Variants in ZNF227 observed in about 807,000 individuals in gnomAD.
ZNF227 encodes the protein zinc finger protein 227.
Under a neutral mutation model 13.2 loss-of-function variants are expected in ZNF227, and 12 were observed. The ratio of observed to expected loss-of-function variants is 0.91; its 90% CI spans 0.58 to 1.47. ZNF227 has a LOEUF of 1.47. Among genes scored for constraint, ZNF227 ranks in the 40% most tolerant of loss-of-function variants. The pLI is 0.00. For synonymous variants in ZNF227, 338 were observed against 326.0 expected, an observed-to-expected ratio of 1.04 and a Z score of -0.40; for missense variants, 885 against 967.5, an observed-to-expected ratio of 0.91 and a Z score of 1.13.
At position 44,235,739 on chromosome 19, in the gene ZNF227, A is replaced by G; in HGVS notation, c.1309A>G (p.Lys437Glu). The change falls in exon 6 of 6, where the codon AAG becomes GAG. Residue 437 changes from lysine to glutamate, a missense_variant. Lys to Glu is a moderately conservative substitution (Grantham distance 56). Transcript: ENST00000313040. ...QRVHTGEKPY[K>E]CDVCGKGFSH... ...AGTCCACACTGGAGAGAAACCCTACAAGTGTGATGTGTGTGGTAAGGGCTT... is the reference window on the plus strand; with the variant it reads ...AGTCCACACTGGAGAGAAACCCTACGAGTGTGATGTGTGTGGTAAGGGCTT... 6.2e-7 allele frequency: 1 copy of G among 1,614,062 alleles called. No individual in the cohort carries two copies. The highest frequency in any genetic ancestry group is 1.3e-5 in the African/African-American group (1 of 75,014).
chr19:44,236,392 C>T lies in ZNF227; in HGVS notation c.1962C>T (p.His654=), dbSNP rs1036917578. The change falls in exon 6 of 6, where the codon CAC becomes CAT. Residue 654 remains histidine, a synonymous_variant. Transcript: ENST00000313040. ...GTCTTCAATCCCATCAGAGAGTCCACACGGGGGAAAAGCCATACAAATGTG... is the reference window on the plus strand; with the variant it reads ...GTCTTCAATCCCATCAGAGAGTCCATACGGGGGAAAAGCCATACAAATGTG... ...SSGLQSHQRV[H]TGEKPYKCDV... 2 of 1,614,062 alleles carry T rather than the reference C, an allele frequency of 1.2e-6. No homozygotes were observed. The highest frequency in any genetic ancestry group is 1.7e-6 in the Non-Finnish European group (2 of 1,180,008).
intron 5 of ZNF227, among the ~76,000 whole-genome samples, chr19:44,230,956 T>TATATCTATATCTATA (rs1355769924): frequency 7.6e-6 from 1 of 131,560 alleles, no homozygotes; most frequent in Non-Finnish European, 1.5e-5. Context: ...TATATATATC[T>TATATCTATATCTATA]TAGCCAGGCA....
chr19:44,216,966 T>G (rs1971953651), intron 2 of ZNF227, among the ~76,000 whole-genome samples: 2 of 146,284 alleles, frequency 1.4e-5, no homozygotes, highest in African/African-American at 2.5e-5. Flanking sequence ...TTGTTTTTTT[T>G]TTTTTTTTTT....
At chr19:44,229,561 G>A (rs571854246) in intron 4 of ZNF227, among the ~76,000 whole-genome samples, 172 bp from the exon 5 acceptor site, 225 of 152,276 alleles carry the variant, frequency 1.5e-3, no homozygotes, top group African/African-American at 5.1e-3. Context: ...GCAGTGAGCC[G>A]AGATTGTGCC....
chr19:44,218,052 T>C (rs552615043), intron 3 of ZNF227, among the ~76,000 whole-genome samples, 200 bp downstream of exon 3: 21 of 152,356 alleles, frequency 1.4e-4, no homozygotes, highest in African/African-American at 5.0e-4. Flanking sequence ...TAATAGAAGC[T>C]TTAATCAGAA....
Position 44,230,949 on chromosome 19 carries a change from A to ATC in ZNF227, c.271+1134_271+1135insCT, listed in dbSNP as rs1436983295. Among the ~76,000 whole-genome samples, 202 of 136,458 alleles carry ATC rather than the reference A, an allele frequency of 1.5e-3. 3 individuals carry two copies. Among genetic ancestry groups the ATC allele is most frequent in the African/African-American group, 5.8e-3 (195 of 33,484 alleles). The allele number at this position is 136,458 out of a possible 152,430, so 89.5% of individuals were successfully genotyped here. ...AAAATATATATATATATATATATAT[A>ATC]TATATCTTAGCCAGGCATGTTAGCA... is the stretch of plus-strand genomic sequence containing the variant. On this transcript the variant is annotated intron_variant, in intron 5 of 5. Coordinates refer to ENST00000313040, the MANE Select transcript of ZNF227 (RefSeq NM_182490.3).
At chr19:44,227,782 A>AT (rs1973332638) in intron 3 of ZNF227, among the ~76,000 whole-genome samples, 1 of 152,232 alleles carries the variant, frequency 6.6e-6, no homozygotes, top group Non-Finnish European at 1.5e-5. Flanking sequence ...AAACCTTGAA[A>AT]TTTGAACCTG....
chr19:44,228,461 A>G lies in ZNF227; in HGVS notation c.76A>G (p.Lys26Glu), dbSNP rs1236049835. The G allele has an allele frequency of 6.8e-6, 11 of 1,613,100 alleles. No homozygotes were observed. Among genetic ancestry groups the G allele is most frequent in the African/African-American group, 1.3e-5 (1 of 74,776 alleles). Residue 26 changes from lysine (K) to glutamate (E), a missense_variant, in exon 4 of 6, where the codon AAG becomes GAG. Coordinates refer to ENST00000313040, the MANE Select transcript of ZNF227 (RefSeq NM_182490.3). ...MTKFQEAVTF[K>E]DVAVVFSREE... ...GATATTGTAGGAGGCTGTGACATTC[A>G]AGGATGTGGCTGTGGTCTTCTCCAG...
Position 44,228,519 on chromosome 19 carries a change from G to T in ZNF227, c.134G>T (p.Arg45Met), listed in dbSNP as rs1189602968. Reference sequence around the variant, plus strand: ...CTGCGACTGCTCGATCTTACCCAGAGGAAGCTGTACCGAGATGTCATGGTG... The same window carrying T: ...CTGCGACTGCTCGATCTTACCCAGATGAAGCTGTACCGAGATGTCATGGTG... The part of the protein sequence containing the change: ...EELRLLDLTQ[R>M]KLYRDVMVEN... The change falls in exon 4 of 6, where the codon AGG becomes ATG. Residue 45 changes from arginine (R) to methionine (M), a missense_variant. Arg to Met is a moderately conservative substitution (Grantham distance 91, BLOSUM62 -1). Coordinates refer to ENST00000313040, the MANE Select transcript of ZNF227 (RefSeq NM_182490.3). The T allele has an allele frequency of 6.2e-7, 1 of 1,613,754 alleles. No individual in the cohort carries two copies. The highest frequency in any genetic ancestry group is 1.1e-5 in the South Asian group (1 of 91,042).
In ZNF227 at chr19:44,236,797, T is replaced by C. The variant is rs1974561172; in HGVS notation, c.2367T>C (p.Tyr789=). 2 of 1,595,682 alleles carry C rather than the reference T, an allele frequency of 1.3e-6. No homozygotes were observed. The highest frequency in any genetic ancestry group is 1.1e-5 in the South Asian group (1 of 88,440). The change falls in exon 6 of 6, where the codon TAT becomes TAC. Residue 789 remains tyrosine (Y), a synonymous_variant. Coordinates refer to ENST00000313040, the MANE Select transcript of ZNF227 (RefSeq NM_182490.3). ...KDFRHRSRLT[Y]HQKVHTGKKL is the part of the protein sequence containing the mutation. Reference sequence around the variant, plus strand: ...TCCGTCACCGTTCACGTCTTACATATCATCAGAAAGTCCATACTGGTAAAA... The same window carrying C: ...TCCGTCACCGTTCACGTCTTACATACCATCAGAAAGTCCATACTGGTAAAA...
At chr19:44,219,089 G>A (rs1006138260) in intron 3 of ZNF227, among the ~76,000 whole-genome samples, 3 of 152,130 alleles carry the variant, frequency 2.0e-5, no homozygotes, top group Admixed American at 1.3e-4. Flanking sequence ...GTTTCACCAC[G>A]TTGGCCAGGC....
rs1282055867 is a variant in ZNF227 at position 44,236,772 on chromosome 19, TC to T, written c.2344del (p.Arg782ValfsTer38). On this transcript the variant is annotated frameshift_variant, in exon 6 of 6. Coordinates refer to ENST00000313040, the MANE Select transcript of ZNF227 (RefSeq NM_182490.3). LOFTEE classifies it high-confidence loss of function. The part of the protein sequence containing the change: ...PYKCDICDKD[F>X]RHRSRLTYHQ... The stretch of plus-strand genomic sequence containing the variant: ...AAATGTGACATATGTGATAAGGACT[TC>T]CGTCACCGTTCACGTCTTACATATC... 5 of 1,611,192 alleles carry T rather than the reference TC, an allele frequency of 3.1e-6. No homozygotes were observed. In the East Asian group the frequency reaches 6.7e-5, roughly 22 times the overall value.
chr19:44,231,253 T>G (rs1195277891), intron 5 of ZNF227, among the ~76,000 whole-genome samples: 1 of 151,660 alleles, frequency 6.6e-6, no homozygotes, highest in Non-Finnish European at 1.5e-5. Flanking sequence ...TTACTGGGAT[T>G]ACAGGTGACC....
upstream of ZNF227, among the ~76,000 whole-genome samples, chr19:44,209,221 C>T (rs566348672): frequency 7.9e-5 from 12 of 152,280 alleles, no homozygotes; most frequent in South Asian, 2.1e-3. Flanking sequence ...GTGTTAATGA[C>T]CCCCACCCCG....
chr19:44,226,600 G>T (rs1034280410), intron 3 of ZNF227, among the ~76,000 whole-genome samples: 6 of 152,226 alleles, frequency 3.9e-5, no homozygotes, highest in Non-Finnish European at 1.5e-5. Context: ...TAATCTCCTG[G>T]TGTGCCGTTT....
chr19:44,213,156 C>T lies in ZNF227; in HGVS notation c.-91C>T, dbSNP rs553140666. On this transcript the variant is annotated 5_prime_UTR_variant, in exon 2 of 6. Coordinates refer to ENST00000313040, the MANE Select transcript of ZNF227 (RefSeq NM_182490.3). ...CGTTTATCCGGGATAGAGACTCCAT[C>T]GTGCTGACAGCATCCTTTTATTCAC... The T allele has an allele frequency of 6.6e-5, 10 of 152,080 alleles. No individual in the cohort carries two copies. Among genetic ancestry groups the T allele is most frequent in the South Asian group, 2.1e-4 (1 of 4,804 alleles). 9.4% of individuals were successfully genotyped at this position (152,080 alleles called of 1,614,324 possible).
chr19:44,225,723 A>T (rs530352355), intron 3 of ZNF227, among the ~76,000 whole-genome samples: 78 of 152,236 alleles, frequency 5.1e-4, no homozygotes, highest in African/African-American at 1.7e-3. Context: ...TTTCCTCCTG[A>T]AGCTCGGAGT....
chr19:44,228,682 A>G lies in ZNF227; in HGVS notation c.187+110A>G, dbSNP rs922064. ...AAAATGGTTCTTTGCTCTTGAAGACAAAAGGTTTTCTAATCCCTGGGAAAA... is the reference window on the plus strand; with the variant it reads ...AAAATGGTTCTTTGCTCTTGAAGACGAAAGGTTTTCTAATCCCTGGGAAAA... On this transcript the variant is annotated intron_variant, in intron 4 of 5. Coordinates refer to ENST00000313040, the MANE Select transcript of ZNF227 (RefSeq NM_182490.3). 47,192 of 1,281,586 alleles carry G rather than the reference A, an allele frequency of 0.037. 6,741 individuals are homozygous for G. In the African/African-American group the frequency reaches 0.41, roughly 11 times the overall value. The allele number at this position is 1,281,586 out of a possible 1,614,324, so 79.4% of individuals were successfully genotyped here. A position where few individuals can be genotyped will look rare whatever the true frequency, so the allele number is the denominator to read the frequency against.
chr19:44,220,030 G>A lies in ZNF227; in HGVS notation c.60+2178G>A, dbSNP rs543034970. ...CCACCTATGAGTGAGAACATGCAGC[G>A]TTTGGTTTTTTGTCCTTGCGATAGT... is the stretch of plus-strand genomic sequence containing the variant. On this transcript the variant is annotated intron_variant, in intron 3 of 5. Coordinates refer to ENST00000313040, the MANE Select transcript of ZNF227 (RefSeq NM_182490.3). 3.9e-5 allele frequency among the ~76,000 whole-genome samples: 6 copies of A among 151,900 alleles called. No homozygotes were observed. In the South Asian group the frequency reaches 1.0e-3, roughly 26 times the overall value.
Sources: allele counts gnomAD v4.1 joint callset (sites outside exome capture counted in the v4.1 genomes callset), GRCh38; gene constraint gnomAD v4.1.1; transcripts MANE v1.5; gene names NCBI Gene and HGNC (gene_info 2026-07-23, HGNC 2026-07-21).